Variants in PRKAR2A observed in about 807,000 individuals in gnomAD.
PRKAR2A encodes protein kinase cAMP-dependent type II regulatory subunit alpha.
PRKAR2A carries 29 observed loss-of-function variants against 51.9 expected under a neutral mutation model. The observed-to-expected ratio is 0.56, with a 90% CI of 0.42 to 0.76. The LOEUF is 0.76. Ranked by LOEUF, PRKAR2A falls within the 30% of genes least tolerant of loss-of-function variation. PRKAR2A has a pLI of 0.00. For synonymous variants in PRKAR2A, 178 were observed against 186.2 expected (o/e 0.96, Z 0.36); for missense variants, 445 against 512.1 (o/e 0.87, Z 1.26).
chr3:48,843,822 T>C (rs1022766698), intron 1 of PRKAR2A, among the ~76,000 whole-genome samples: 3 of 151,846 alleles, frequency 2.0e-5, no homozygotes. Flanking sequence ...TTACACCTTA[T>C]ACAAAAATTA....
At position 48,749,261 on chromosome 3, in the gene PRKAR2A, T is replaced by C. The variant is rs2081609410; in HGVS notation, c.*2324A>G. The C allele has an allele frequency of 6.6e-6, 1 of 152,204 alleles. No individual in the cohort carries two copies. Among genetic ancestry groups the C allele is most frequent in the Non-Finnish European group, 1.5e-5 (1 of 68,036 alleles). The allele number at this position is 152,204 out of a possible 1,614,324, so 9.4% of individuals were successfully genotyped here. ...TGCTCCTAGGAGCCCTTATAGCATC[T>C]GATTCTAAGTTATTCTGAAGGAAAA... On this transcript the variant is annotated 3_prime_UTR_variant, in exon 11 of 11. Coordinates refer to ENST00000265563, the MANE Select transcript of PRKAR2A (RefSeq NM_004157.4).
chr3:48,819,646 C>T (rs2082929349), intron 1 of PRKAR2A, among the ~76,000 whole-genome samples: 1 of 152,144 alleles, frequency 6.6e-6, no homozygotes, highest in South Asian at 2.1e-4. Flanking sequence ...TAGAATCCCC[C>T]CAGCTTTTTC....
chr3:48,822,080 G>A (rs2082975740), intron 1 of PRKAR2A, among the ~76,000 whole-genome samples: 1 of 151,308 alleles, frequency 6.6e-6, no homozygotes, highest in African/African-American at 2.4e-5. Flanking sequence ...ACATGGTGGC[G>A]CATGCCCGTA....
intron 1 of PRKAR2A, among the ~76,000 whole-genome samples, chr3:48,817,693 GATA>G (rs925991465): frequency 5.4e-5 from 8 of 148,886 alleles, no homozygotes; most frequent in Non-Finnish European, 8.9e-5. Context: ...TAAAAAATAA[GATA>G]ATAATAATAA....
intron 6 of PRKAR2A, among the ~76,000 whole-genome samples, chr3:48,770,216 G>A (rs991176757): frequency 2.0e-5 from 3 of 152,124 alleles, no homozygotes; most frequent in Non-Finnish European, 4.4e-5. Flanking sequence ...CAATCGAGCA[G>A]TGAAGAGGAA....
chr3:48,810,393 T>C (rs1281821685), intron 1 of PRKAR2A, among the ~76,000 whole-genome samples: 1 of 152,216 alleles, frequency 6.6e-6, no homozygotes, highest in African/African-American at 2.4e-5. Flanking sequence ...GCATATAACC[T>C]ATGCATATCT....
chr3:48,784,331 T>C (rs2082252937), intron 4 of PRKAR2A, among the ~76,000 whole-genome samples: 2 of 152,238 alleles, frequency 1.3e-5, no homozygotes, highest in African/African-American at 2.4e-5. Flanking sequence ...AGAGTGACTG[T>C]ACTACCAAGA....
intron 6 of PRKAR2A, 45 bp from the exon 7 acceptor site, chr3:48,765,394 G>T: frequency 7.5e-7 from 1 of 1,326,190 alleles, no homozygotes. Flanking sequence ...CTATATACAG[G>T]AACATCTATG....
chr3:48,845,487 A>G (rs2083447410), intron 1 of PRKAR2A, among the ~76,000 whole-genome samples: 1 of 152,188 alleles, frequency 6.6e-6, no homozygotes, highest in East Asian at 1.9e-4. Flanking sequence ...GTGTGATCTA[A>G]TAACACTAAG....
Position 48,748,620 on chromosome 3 carries a change from C to T in PRKAR2A, c.*2965G>A, listed in dbSNP as rs1335152920. On this transcript the variant is annotated 3_prime_UTR_variant, in exon 11 of 11. Transcript: ENST00000265563. ...GCATAGAATTCATGGCCAGCCCTAACTAGTGTGATGGGTGGCAGGGAGGAG... is the reference window on the plus strand; with the variant it reads ...GCATAGAATTCATGGCCAGCCCTAATTAGTGTGATGGGTGGCAGGGAGGAG... 5 of 152,186 alleles carry T rather than the reference C, an allele frequency of 3.3e-5. No homozygotes were observed. Among genetic ancestry groups the T allele is most frequent in the African/African-American group, 9.7e-5 (4 of 41,414 alleles). The allele number at this position is 152,186 out of a possible 1,614,324, so 9.4% of individuals were successfully genotyped here.
At chr3:48,754,323 C>T (rs1239855250) in intron 9 of PRKAR2A, among the ~76,000 whole-genome samples, 5 of 148,212 alleles carry the variant, frequency 3.4e-5, no homozygotes, top group East Asian at 2.1e-4. Flanking sequence ...CTGCAACCTC[C>T]GCCTCCCGGG....
intron 1 of PRKAR2A, among the ~76,000 whole-genome samples, chr3:48,843,680 C>T (rs1238156103): frequency 4.6e-5 from 7 of 152,042 alleles, no homozygotes; most frequent in East Asian, 1.9e-4. Context: ...GAAATAACTC[C>T]GCATATCTAC....
chr3:48,783,844 G>A (rs2082246391), intron 4 of PRKAR2A, among the ~76,000 whole-genome samples: 1 of 152,144 alleles, frequency 6.6e-6, no homozygotes, highest in African/African-American at 2.4e-5. Flanking sequence ...GCTTCCCAAA[G>A]TGCTAGGATT....
intron 6 of PRKAR2A, among the ~76,000 whole-genome samples, chr3:48,765,902 T>A (rs574844921): frequency 6.6e-6 from 1 of 152,096 alleles, no homozygotes; most frequent in South Asian, 2.1e-4. Context: ...ACAATCTTAA[T>A]GGGGAGATAA....
rs967072053 is a variant in PRKAR2A at position 48,847,171 on chromosome 3, G to A, written c.262+164C>T. On this transcript the variant is annotated intron_variant, in intron 1 of 10. Transcript: ENST00000265563. This position sits in a 1 kb window ranked among gnomAD's most constrained non-coding sequence, Gnocchi z 4.4. ...AGCTCAATTTGGAAGTGGCGCACGC[G>A]GGCTCACGCCGGTGTCTCAGGGAAA... 6.6e-6 allele frequency among the ~76,000 whole-genome samples: 1 copy of A among 152,174 alleles called. No homozygotes were observed. The highest frequency in any genetic ancestry group is 2.4e-5 in the African/African-American group (1 of 41,440).
intron 1 of PRKAR2A, among the ~76,000 whole-genome samples, chr3:48,828,594 C>A (rs1332501788): frequency 6.6e-6 from 1 of 151,092 alleles, no homozygotes; most frequent in African/African-American, 2.4e-5. Context: ...TGGTGGCCAG[C>A]GCCTCTGGTC....
At chr3:48,809,815 G>A (rs375481812) in intron 1 of PRKAR2A, among the ~76,000 whole-genome samples, 11 of 151,956 alleles carry the variant, frequency 7.2e-5, no homozygotes, top group African/African-American at 2.2e-4. Context: ...GAAGTCATCT[G>A]GTCTGGCCAT....
At chr3:48,783,753 A>G (rs1455036968) in intron 4 of PRKAR2A, among the ~76,000 whole-genome samples, 3 of 152,018 alleles carry the variant, frequency 2.0e-5, no homozygotes, top group Non-Finnish European at 4.4e-5. Context: ...GCAAATTTTT[A>G]TATTTTTAGT....
intron 7 of PRKAR2A, 81 bp downstream of exon 7, chr3:48,765,167 T>C: frequency 6.5e-7 from 1 of 1,546,768 alleles, no homozygotes; most frequent in African/African-American, 1.4e-5. Flanking sequence ...TAGAATAGTA[T>C]GATTTGAAAA....
Sources: gnomAD v4.1 joint callset for allele counts (sites outside exome capture counted in the v4.1 genomes callset) on GRCh38, gnomAD v4.1.1 for gene constraint, Gnocchi (gnomAD v3.1) non-coding constraint, MANE v1.5 for transcripts, NCBI Gene and HGNC (gene_info 2026-07-23, HGNC 2026-07-21) for gene names.